PALLD: variants seen among roughly 807,000 people sequenced by gnomAD.
PALLD encodes palladin, cytoskeletal associated protein.
PALLD carries 61 observed loss-of-function variants against 123.5 expected under a neutral mutation model. That is an observed-to-expected ratio of 0.49 (90% CI 0.40 to 0.61). The LOEUF (loss-of-function observed/expected upper bound fraction) is 0.61, where lower values mean the gene tolerates loss of function less well. Among genes scored for constraint, PALLD ranks in the 20% least tolerant of loss-of-function variants. The pLI is 0.00. For missense variants in PALLD, 1,273 were observed against 1,377.0 expected, an observed-to-expected ratio of 0.92 and a Z score of 1.20; for synonymous variants, 465 against 496.4, an observed-to-expected ratio of 0.94 and a Z score of 0.84.
At chr4:168,900,652 A>G (rs563996382) in intron 14 of PALLD, among the ~76,000 whole-genome samples, 69 of 152,328 alleles carry the variant, frequency 4.5e-4, no homozygotes, top group Middle Eastern at 3.4e-3. Flanking sequence ...TCGCAACGCC[A>G]AAGTCAAAGA....
chr4:168,641,970 G>C (rs557013532), intron 2 of PALLD, among the ~76,000 whole-genome samples: 1 of 152,244 alleles, frequency 6.6e-6, no homozygotes, highest in South Asian at 2.1e-4. Flanking sequence ...ATGTTGATTG[G>C]GCATGCACAG....
chr4:168,519,112 T>C (rs137923738), intron 2 of PALLD, among the ~76,000 whole-genome samples: 3 of 152,348 alleles, frequency 2.0e-5, no homozygotes, highest in Non-Finnish European at 4.4e-5. Flanking sequence ...TGCAAAATAG[T>C]ACTATTTCAG....
intron 10 of PALLD, 44 bp from the exon 11 acceptor site, chr4:168,890,878 A>T (rs1482858770): frequency 3.7e-6 from 6 of 1,609,792 alleles, no homozygotes; most frequent in Non-Finnish European, 5.1e-6. Context: ...TTGGATTTAT[A>T]TGCCTGACAA....
chr4:168,810,810 G>A (rs1389014067), intron 10 of PALLD, among the ~76,000 whole-genome samples: 4 of 95,612 alleles, frequency 4.2e-5, no homozygotes, highest in Admixed American at 4.1e-4. Context: ...GCGAGACTCC[G>A]TCTCAAAAAA....
At chr4:168,757,041 A>C (rs1213351336) in intron 10 of PALLD, among the ~76,000 whole-genome samples, 1 of 152,240 alleles carries the variant, frequency 6.6e-6, no homozygotes, top group Non-Finnish European at 1.5e-5. Context: ...ATGAGGACCG[A>C]GAATAATCTT....
chr4:168,747,425 G>A (rs1262527048), intron 10 of PALLD, among the ~76,000 whole-genome samples: 3 of 152,344 alleles, frequency 2.0e-5, no homozygotes, highest in African/African-American at 7.2e-5. Flanking sequence ...AGGATATGTA[G>A]CCTAGTTCCA....
chr4:168,633,453 G>T (rs1052832272), intron 2 of PALLD, among the ~76,000 whole-genome samples: 2 of 152,170 alleles, frequency 1.3e-5, no homozygotes, highest in African/African-American at 4.8e-5. Flanking sequence ...TTTCTGAAAA[G>T]ATCATAACTA....
intron 10 of PALLD, among the ~76,000 whole-genome samples, chr4:168,805,062 AC>A (rs1389361192): frequency 6.6e-6 from 1 of 151,890 alleles, no homozygotes; most frequent in Non-Finnish European, 1.5e-5. Context: ...GGAGGCCGAG[AC>A]AGGAGAATCG....
Position 168,886,275 on chromosome 4 carries a change from T to A in PALLD, c.1965-4647T>A, listed in dbSNP as rs1753321539. ...TTTTCTAGGCTTAACAGGGTTTGTA[T>A]TAATGTATTGGCCTAGCACTGGGCC... On this transcript the variant is annotated intron_variant, in intron 10 of 21. Coordinates refer to ENST00000505667, the MANE Select transcript of PALLD (RefSeq NM_001166108.2). 3.3e-5 allele frequency among the ~76,000 whole-genome samples: 5 copies of A among 152,238 alleles called. No individual in the cohort carries two copies. In the South Asian group the frequency reaches 1.0e-3, roughly 31 times the overall value.
chr4:168,813,452 T>C (rs1164774685), intron 10 of PALLD, among the ~76,000 whole-genome samples: 1 of 152,046 alleles, frequency 6.6e-6, no homozygotes, highest in East Asian at 1.9e-4. Context: ...TCTGATTGAT[T>C]GGTTGATTGG....
chr4:168,877,760 C>CA, intron 10 of PALLD: 3 of 1,181,150 alleles, frequency 2.5e-6, no homozygotes, highest in Non-Finnish European at 3.1e-6. Flanking sequence ...GAACCAAATC[C>CA]GACTGGAGCA....
chr4:168,595,580 G>A (rs1231403642), intron 2 of PALLD, among the ~76,000 whole-genome samples: 1 of 152,134 alleles, frequency 6.6e-6, no homozygotes. Flanking sequence ...ATAGATGTTA[G>A]CAGTTTTCAC....
intron 2 of PALLD, among the ~76,000 whole-genome samples, chr4:168,547,641 C>G (rs1766281977): frequency 6.7e-6 from 1 of 149,282 alleles, no homozygotes; most frequent in Non-Finnish European, 1.5e-5. Flanking sequence ...GGTTGAGGCG[C>G]AAGAATTGCT....
intron 2 of PALLD, among the ~76,000 whole-genome samples, chr4:168,623,435 T>C (rs1774948491): frequency 6.6e-6 from 1 of 152,230 alleles, no homozygotes; most frequent in Non-Finnish European, 1.5e-5. Flanking sequence ...AAGCAAACTA[T>C]GTGTTGGCAT....
rs905506911 is a variant in PALLD, at chr4:168,928,359, C to A, written c.*2179C>A. 9 of 182,460 alleles carry A rather than the reference C, an allele frequency of 4.9e-5. No homozygotes were observed. Among genetic ancestry groups the A allele is most frequent in the Admixed American group, 1.3e-4 (2 of 15,962 alleles). The allele number at this position is 182,460 out of a possible 1,614,324, so 11.3% of individuals were successfully genotyped here. A position where few individuals can be genotyped will look rare whatever the true frequency, so the allele number is the denominator to read the frequency against. On this transcript the variant is annotated 3_prime_UTR_variant, in exon 22 of 22. Coordinates refer to ENST00000505667, the MANE Select transcript of PALLD (RefSeq NM_001166108.2). ...AAAGTACTATCAATCAATCATACTA[C>A]TTTGGATTGTTGTGCTGGTGTAATG...
Position 168,736,490 on chromosome 4 carries a change from T to C in PALLD, c.1964+24567T>C, listed in dbSNP as rs180970596. 4.2e-3 allele frequency among the ~76,000 whole-genome samples: 637 copies of C among 152,320 alleles called. 6 individuals are homozygous for C. The highest frequency in any genetic ancestry group is 0.014 in the African/African-American group (594 of 41,568). ...ACATTTTGTGAGGCTCTGCTTATTT[T>C]ATTCCGAAGTCCTTTCTGGGAGACT... On this transcript the variant is annotated intron_variant, in intron 10 of 21. Transcript: ENST00000505667.
intron 2 of PALLD, among the ~76,000 whole-genome samples, chr4:168,549,612 A>C (rs887113424): frequency 6.6e-6 from 1 of 152,136 alleles, no homozygotes. Flanking sequence ...TCACCCAATT[A>C]TCTTTTTTAA....
At chr4:168,565,042 AAT>A in intron 2 of PALLD, among the ~76,000 whole-genome samples, 1 of 148,726 alleles carries the variant, frequency 6.7e-6, no homozygotes, top group African/African-American at 2.4e-5. Context: ...AAAAAAAAAA[AAT>A]TCGCTGGGCA....
intron 10 of PALLD, among the ~76,000 whole-genome samples, chr4:168,868,471 T>C (rs914539701): frequency 2.6e-5 from 4 of 152,214 alleles, no homozygotes; most frequent in African/African-American, 9.6e-5. Context: ...CTTGTAAGAA[T>C]GCTTACTGCC....
Sources: gnomAD v4.1 joint callset for allele counts (sites outside exome capture counted in the v4.1 genomes callset) on GRCh38, gnomAD v4.1.1 for gene constraint, MANE v1.5 for transcripts, NCBI Gene and HGNC (gene_info 2026-07-23, HGNC 2026-07-21) for gene names.